The following ASCC1 variants were observed in gnomAD, a reference collection of about 807,000 sequenced individuals.
The protein encoded by ASCC1 is activating signal cointegrator 1 complex subunit 1.
Under a neutral mutation model 46.6 loss-of-function variants are expected in ASCC1, and 35 were observed. That is an observed-to-expected ratio of 0.75 (90% confidence interval 0.57 to 0.99). The LOEUF (loss-of-function observed/expected upper bound fraction) is 0.99. Among genes scored for constraint, ASCC1 ranks in the 50% least tolerant of loss-of-function variants. The pLI, the probability that ASCC1 is intolerant of heterozygous loss-of-function variation, is 0.00. For missense variants in ASCC1, 376 were observed against 428.7 expected (o/e 0.88, Z 1.09); for synonymous variants, 143 against 146.6 (o/e 0.98, Z 0.18).
chr10:72,188,376 C>G (rs1449275239), intron 5 of ASCC1, among the ~76,000 whole-genome samples: 3 of 152,078 alleles, frequency 2.0e-5, no homozygotes, highest in Non-Finnish European at 2.9e-5. Flanking sequence ...ACCTCGGCCT[C>G]CCAAAGTGCT....
At chr10:72,187,149 C>T (rs777902476) in intron 5 of ASCC1, among the ~76,000 whole-genome samples, 2 of 152,152 alleles carry the variant, frequency 1.3e-5, no homozygotes, top group African/African-American at 2.4e-5. Context: ...TCTCCTACCC[C>T]ACCCTCCATT....
intron 5 of ASCC1, among the ~76,000 whole-genome samples, chr10:72,173,739 T>C (rs566306371): frequency 6.1e-5 from 9 of 146,906 alleles, no homozygotes; most frequent in African/African-American, 2.5e-4. Flanking sequence ...CCACTGTTTT[T>C]CTTTGCTCGG....
In ASCC1 at chr10:72,196,948, T is replaced by A; in HGVS notation, c.352A>T (p.Thr118Ser). 1 of 1,613,706 alleles carries A rather than the reference T, an allele frequency of 6.2e-7. No homozygotes were observed. Among genetic ancestry groups the A allele is most frequent in the Non-Finnish European group, 8.5e-7 (1 of 1,180,020 alleles). ...QHRNGVISAR[T>S]RIDVLLDTFR... ...GTGTCCAAAAGAACATCAATCCGTG[T>A]TCGGGCTGAAATTACACCATTTCGA... The change falls in exon 5 of 10, where the codon ACA (threonine) becomes TCA (serine). Residue 118 changes from threonine (T) to serine (S), a missense_variant. Thr to Ser is a moderately conservative substitution (Grantham distance 58, BLOSUM62 1). Transcript: ENST00000672957.
intron 5 of ASCC1, among the ~76,000 whole-genome samples, chr10:72,192,757 G>A (rs1854739826): frequency 6.6e-6 from 1 of 152,162 alleles, no homozygotes; most frequent in South Asian, 2.1e-4. Context: ...ATCTCCCAAA[G>A]TGCTGGGATC....
intron 7 of ASCC1, among the ~76,000 whole-genome samples, chr10:72,149,003 A>G (rs61352474): frequency 0.12 from 17,906 of 152,136 alleles, 3,301 homozygotes; most frequent in African/African-American, 0.39. Flanking sequence ...TCAAAACAAC[A>G]TATCACAATA....
At chr10:72,159,974 G>A (rs995084407) in intron 6 of ASCC1, among the ~76,000 whole-genome samples, 7 of 146,526 alleles carry the variant, frequency 4.8e-5, no homozygotes, top group Non-Finnish European at 8.9e-5. Flanking sequence ...GCGCAATCTC[G>A]GCTCACTGCA....
chr10:72,118,358 C>T (rs1354671818), intron 9 of ASCC1, among the ~76,000 whole-genome samples: 1 of 144,552 alleles, frequency 6.9e-6, no homozygotes, highest in Admixed American at 6.9e-5. Context: ...CAGAGCGAGA[C>T]TCCATCTCAA....
chr10:72,166,178 T>C (rs888833262), intron 5 of ASCC1, among the ~76,000 whole-genome samples: 11 of 152,174 alleles, frequency 7.2e-5, no homozygotes, highest in South Asian at 2.1e-4. Flanking sequence ...GCTAGGACCA[T>C]AGGACCACCA....
intron 9 of ASCC1, 106 bp from the exon 10 acceptor site, chr10:72,097,556 A>C: frequency 8.7e-6 from 6 of 691,928 alleles, no homozygotes; most frequent in Admixed American, 2.2e-5. Context: ...ATCCCAACAA[A>C]TCTCTCATGC....
chr10:72,149,363 G>A (rs889497978), intron 7 of ASCC1, among the ~76,000 whole-genome samples: 10 of 148,270 alleles, frequency 6.7e-5, no homozygotes, highest in African/African-American at 1.3e-4. Flanking sequence ...GCGTGAACCC[G>A]GGAGGCGGAG....
intron 5 of ASCC1, among the ~76,000 whole-genome samples, chr10:72,183,635 T>C (rs1852984194): frequency 6.6e-6 from 1 of 151,122 alleles, no homozygotes; most frequent in Non-Finnish European, 1.5e-5. Context: ...AGTATCTGAG[T>C]GAGACCATGT....
intron 7 of ASCC1, among the ~76,000 whole-genome samples, chr10:72,135,099 T>G (rs912005755): frequency 1.3e-5 from 2 of 152,116 alleles, no homozygotes; most frequent in African/African-American, 4.8e-5. Flanking sequence ...GGAGAAAAAG[T>G]TGCAAACGCT....
intron 8 of ASCC1, among the ~76,000 whole-genome samples, chr10:72,128,651 A>C (rs1045172309): frequency 1.3e-5 from 2 of 152,206 alleles, no homozygotes; most frequent in East Asian, 1.9e-4. Flanking sequence ...CCCCAGAGGA[A>C]AAAGAGCCCT....
chr10:72,171,828 T>C (rs549266525), intron 5 of ASCC1, among the ~76,000 whole-genome samples: 1 of 152,362 alleles, frequency 6.6e-6, no homozygotes, highest in Non-Finnish European at 1.5e-5. Flanking sequence ...GTGAATATCT[T>C]TGGAGGGCCA....
rs551922367 is a variant in ASCC1 at position 72,121,592 on chromosome 10, G to T, written c.957+6490C>A. On this transcript the variant is annotated intron_variant, in intron 9 of 9. Coordinates refer to ENST00000672957, the MANE Select transcript of ASCC1 (RefSeq NM_001198800.3). ...TTCTAACACTAACTGAAAGAAAGTTGAGTAGCTATATTAATTTCAGATGGA... is the reference window on the plus strand; with the variant it reads ...TTCTAACACTAACTGAAAGAAAGTTTAGTAGCTATATTAATTTCAGATGGA... Among the ~76,000 whole-genome samples the T allele has an allele frequency of 3.9e-4, 59 of 151,890 alleles. 1 individual carries two copies. The highest frequency in any genetic ancestry group is 3.3e-3 in the South Asian group (16 of 4,808).
chr10:72,108,862 A>C (rs1842630145), intron 9 of ASCC1, among the ~76,000 whole-genome samples: 1 of 152,222 alleles, frequency 6.6e-6, no homozygotes, highest in Non-Finnish European at 1.5e-5. Context: ...AAAAGGAAGA[A>C]GGTTTATCAG....
chr10:72,172,704 A>ATATATTATATATAATATTTT (rs1851276937), intron 5 of ASCC1, among the ~76,000 whole-genome samples: 1 of 138,808 alleles, frequency 7.2e-6, no homozygotes, highest in African/African-American at 2.6e-5. Flanking sequence ...TATATAATAT[A>ATATATTATATATAATATTTT]TATATTATAT....
chr10:72,103,125 C>T (rs551047686), intron 9 of ASCC1, among the ~76,000 whole-genome samples: 1 of 151,822 alleles, frequency 6.6e-6, no homozygotes, highest in South Asian at 2.1e-4. Context: ...GAAATAGATA[C>T]TATGTTTTTT....
At chr10:72,189,930 G>C in intron 5 of ASCC1, 1 of 717,346 alleles carries the variant, frequency 1.4e-6, no homozygotes. Flanking sequence ...GCAGCCATCA[G>C]GTAAGCCAAG....
Sources: allele counts gnomAD v4.1 joint callset (sites outside exome capture counted in the v4.1 genomes callset), GRCh38; gene constraint gnomAD v4.1.1; transcripts MANE v1.5; gene names NCBI Gene and HGNC (gene_info 2026-07-23, HGNC 2026-07-21).